The following SYN3 variants were observed in gnomAD, a reference collection of about 807,000 sequenced individuals.
The protein encoded by SYN3 is synapsin-3.
In SYN3, 35 loss-of-function variants were observed where a neutral mutation model predicts 65.8. The observed-to-expected ratio is 0.53, with a 90% confidence interval of 0.41 to 0.70. The LOEUF (loss-of-function observed/expected upper bound fraction) is 0.70. Ranked by LOEUF, SYN3 falls within the 30% of genes least tolerant of loss-of-function variation. SYN3 has a pLI of 0.00. For synonymous variants in SYN3, 270 were observed against 292.9 expected (o/e 0.92, Z 0.80); for missense variants, 680 against 749.0 (o/e 0.91, Z 1.08).
At chr22:32,601,927 A>T (rs1601731985) in intron 6 of SYN3, among the ~76,000 whole-genome samples, 1 of 150,130 alleles carries the variant, frequency 6.7e-6, no homozygotes, top group South Asian at 2.1e-4. Context: ...GCACTCCCAG[A>T]GCTTTTCTTT....
Position 32,952,375 on chromosome 22 carries a change from GA to G in SYN3, c.370-20895del, listed in dbSNP as rs763101897. Among the ~76,000 whole-genome samples, 109 of 151,628 alleles carry G rather than the reference GA, an allele frequency of 7.2e-4. No individual in the cohort carries two copies. The Middle Eastern group carries it at 0.014, about 19-fold the overall frequency. On this transcript the variant is annotated intron_variant, in intron 3 of 13. Coordinates refer to ENST00000358763, the MANE Select transcript of SYN3 (RefSeq NM_003490.4). ...ATGTCCAAATAAATACAAAAACACA[GA>G]AAAAAAATAAAATAATAAAAACCTA... is the stretch of plus-strand genomic sequence containing the variant.
At chr22:32,880,338 A>C (rs149957188) in intron 4 of SYN3, among the ~76,000 whole-genome samples, 1,621 of 152,280 alleles carry the variant, frequency 0.011, 6 homozygotes, top group Middle Eastern at 0.02. Context: ...TCTTCAGGAA[A>C]ACTGTGAGGG....
chr22:32,789,035 T>G (rs1440050648), intron 6 of SYN3, among the ~76,000 whole-genome samples: 1 of 152,226 alleles, frequency 6.6e-6, no homozygotes, highest in South Asian at 2.1e-4. Flanking sequence ...CAGGGTAGGA[T>G]TGCTGGGCCC....
intron 1 of SYN3, among the ~76,000 whole-genome samples, chr22:33,040,544 A>G (rs1054881580): frequency 1.3e-5 from 2 of 152,114 alleles, no homozygotes; most frequent in African/African-American, 4.8e-5. Flanking sequence ...TTCCCTACTG[A>G]AACACTACAG....
intron 6 of SYN3, among the ~76,000 whole-genome samples, chr22:32,760,425 G>C (rs2045446439): frequency 6.6e-6 from 1 of 152,074 alleles, no homozygotes; most frequent in South Asian, 2.1e-4. Flanking sequence ...GGATGAAGGG[G>C]AGTGACATCC....
At chr22:32,603,671 C>T (rs995408802) in intron 6 of SYN3, among the ~76,000 whole-genome samples, 1 of 152,228 alleles carries the variant, frequency 6.6e-6, no homozygotes, top group Non-Finnish European at 1.5e-5. Flanking sequence ...CCCACTTCTA[C>T]CCCTTTGCAA....
At chr22:32,872,871 G>C (rs747774348) in intron 4 of SYN3, among the ~76,000 whole-genome samples, 9 of 151,990 alleles carry the variant, frequency 5.9e-5, no homozygotes, top group Non-Finnish European at 8.8e-5. Context: ...CAAGATGACA[G>C]GGATGATTCC....
chr22:32,953,747 A>G (rs1014052444), intron 3 of SYN3, among the ~76,000 whole-genome samples: 1 of 152,118 alleles, frequency 6.6e-6, no homozygotes, highest in Non-Finnish European at 1.5e-5. Flanking sequence ...AGATGTTGGC[A>G]TCTTTACTAT....
intron 7 of SYN3, among the ~76,000 whole-genome samples, chr22:32,542,045 G>A (rs1420446226): frequency 6.6e-6 from 1 of 152,186 alleles, no homozygotes; most frequent in African/African-American, 2.4e-5. Flanking sequence ...TGGGGGAAAG[G>A]GCAGGTGGCA....
rs115660183 is a variant in SYN3, at chr22:32,541,939, G to A, written c.775-226C>T. Reference sequence around the variant, plus strand: ...GTGGTCAAGAAAGCTTTACAGAGGAGGTGAGCTCTGAACTGGGTTTGGAAG... The same window carrying A: ...GTGGTCAAGAAAGCTTTACAGAGGAAGTGAGCTCTGAACTGGGTTTGGAAG... On this transcript the variant is annotated intron_variant, in intron 7 of 13. Coordinates refer to ENST00000358763, the MANE Select transcript of SYN3 (RefSeq NM_003490.4). Among the ~76,000 whole-genome samples, 852 of 152,240 alleles carry A rather than the reference G, an allele frequency of 5.6e-3. 5 individuals are homozygous for A. The highest frequency in any genetic ancestry group is 0.019 in the African/African-American group (804 of 41,522).
intron 7 of SYN3, among the ~76,000 whole-genome samples, chr22:32,586,895 T>C (rs1358213691): frequency 6.6e-6 from 1 of 152,080 alleles, no homozygotes; most frequent in Admixed American, 6.6e-5. Context: ...AGGGGACTGA[T>C]GTATCCCCTC....
At chr22:32,731,651 A>G (rs1343088345) in intron 6 of SYN3, among the ~76,000 whole-genome samples, 1 of 152,186 alleles carries the variant, frequency 6.6e-6, no homozygotes, top group Non-Finnish European at 1.5e-5. Flanking sequence ...CCTGTAGCCC[A>G]AAGTCTGTCT....
rs4821079 is a variant in SYN3 at position 32,644,809 on chromosome 22, C to A, written c.712-48073G>T. On this transcript the variant is annotated intron_variant, in intron 6 of 13. Transcript: ENST00000358763. The stretch of plus-strand genomic sequence containing the variant: ...CCTGGGGTGGCTGCCTGGGGCCTCC[C>A]AGTGCTGTGGCCTTGGTGGCTTTTC... Among the ~76,000 whole-genome samples the A allele has an allele frequency of 2.6e-5, 4 of 151,944 alleles. No homozygotes were observed. In the South Asian group the frequency reaches 8.3e-4, roughly 32 times the overall value.
intron 4 of SYN3, among the ~76,000 whole-genome samples, chr22:32,899,187 C>T (rs1367457588): frequency 1.3e-5 from 2 of 151,882 alleles, no homozygotes; most frequent in Non-Finnish European, 2.9e-5. Flanking sequence ...TTATGGTCGG[C>T]ATCAAGTACT....
chr22:32,795,584 G>A (rs556353519), intron 6 of SYN3, among the ~76,000 whole-genome samples: 6 of 152,338 alleles, frequency 3.9e-5, no homozygotes, highest in African/African-American at 1.4e-4. Context: ...TGTGCACTCC[G>A]GTGCACATAG....
intron 6 of SYN3, among the ~76,000 whole-genome samples, chr22:32,767,579 G>A (rs1474165141): frequency 6.6e-6 from 1 of 152,162 alleles, no homozygotes; most frequent in Non-Finnish European, 1.5e-5. Flanking sequence ...ACTAGGTAAG[G>A]GAATTCTAGT....
intron 6 of SYN3, among the ~76,000 whole-genome samples, chr22:32,696,992 G>A (rs559393438): frequency 6.6e-6 from 1 of 152,200 alleles, no homozygotes; most frequent in South Asian, 2.1e-4. Context: ...AAGACACTGG[G>A]GAAAGAAAAA....
At position 32,541,558 on chromosome 22, in the gene SYN3, C is replaced by A. The variant is rs1256236441; in HGVS notation, c.917+13G>T. On this transcript the variant is annotated intron_variant, in intron 8 of 13. Coordinates refer to ENST00000358763, the MANE Select transcript of SYN3 (RefSeq NM_003490.4). ...CCTCCCACACTCCCCCAGCCCCTGC[C>A]CCAGAGACTCACATGTAAGCCTTGT... The A allele has an allele frequency of 5.0e-6, 8 of 1,613,998 alleles. No individual in the cohort carries two copies. Among genetic ancestry groups the A allele is most frequent in the Non-Finnish European group, 6.8e-6 (8 of 1,179,930 alleles).
intron 1 of SYN3, among the ~76,000 whole-genome samples, chr22:33,021,425 T>C (rs1243004857): frequency 2.6e-5 from 4 of 152,178 alleles, no homozygotes; most frequent in Middle Eastern, 3.2e-3. Flanking sequence ...CCCCATACAA[T>C]TGCTTTTTAA....
Sources: gnomAD v4.1 joint callset for allele counts (sites outside exome capture counted in the v4.1 genomes callset) on GRCh38, gnomAD v4.1.1 for gene constraint, MANE v1.5 for transcripts, NCBI Gene and HGNC (gene_info 2026-07-23, HGNC 2026-07-21) for gene names.